Variants in CSMD1 observed in about 807,000 individuals in gnomAD.
CSMD1 encodes the protein CUB and Sushi multiple domains 1, also known as CUB and sushi domain-containing protein 1.
CSMD1 carries 213 observed loss-of-function variants against 417.5 expected under a neutral mutation model. The observed-to-expected ratio is 0.51, with a 90% CI of 0.46 to 0.57. The LOEUF (loss-of-function observed/expected upper bound fraction) is 0.57, where lower values mean the gene tolerates loss of function less well. CSMD1 is among the 20% of genes least tolerant of loss of function. The pLI, the probability that CSMD1 is intolerant of heterozygous loss-of-function variation, is 0.00. For missense variants in CSMD1, 6,923 were observed against 4,529.7 expected (o/e 1.53, Z -15.17); for synonymous variants, 2,862 against 1,736.8 (o/e 1.65, Z -16.11).
In CSMD1 at chr8:4,718,596, A is replaced by G. The variant is rs532015364; in HGVS notation, c.86-81038T>C. On this transcript the variant is annotated intron_variant, in intron 1 of 69. Coordinates refer to ENST00000635120, the MANE Select transcript of CSMD1 (RefSeq NM_033225.6). ...AAAACATGAAAAGGAGGAGATAAAC[A>G]TATAGTACGATTGAATTTTGATATT... is the stretch of plus-strand genomic sequence containing the variant. Among the ~76,000 whole-genome samples, 5 of 152,216 alleles carry G rather than the reference A, an allele frequency of 3.3e-5. No homozygotes were observed. The East Asian group carries it at 9.6e-4, about 29-fold the overall frequency.
intron 7 of CSMD1, among the ~76,000 whole-genome samples, chr8:3,706,097 A>G (rs1801151979): frequency 6.6e-6 from 1 of 152,228 alleles, no homozygotes. Flanking sequence ...GCCTGTGCCT[A>G]CCTCCCCTAC....
intron 5 of CSMD1, among the ~76,000 whole-genome samples, chr8:3,817,092 G>A (rs911394066): frequency 9.9e-5 from 15 of 151,942 alleles, no homozygotes; most frequent in South Asian, 2.1e-4. Context: ...TGAGGTCTCT[G>A]GGAAAGAGAA....
At chr8:3,720,639 A>T (rs1437509478) in intron 6 of CSMD1, among the ~76,000 whole-genome samples, 2 of 151,750 alleles carry the variant, frequency 1.3e-5, no homozygotes, top group African/African-American at 2.4e-5. Context: ...ACACACACAC[A>T]CACACACACA....
chr8:3,621,454 G>A (rs1009172788), intron 7 of CSMD1, among the ~76,000 whole-genome samples: 1 of 152,072 alleles, frequency 6.6e-6, no homozygotes, highest in African/African-American at 2.4e-5. Context: ...AAGAGAAGAA[G>A]GAATATAAGG....
In CSMD1 at chr8:4,029,215, G is replaced by A. The variant is rs542472597; in HGVS notation, c.610+2690C>T. Reference sequence around the variant, plus strand: ...CTACAACGAGAGGTGATGAAAATAGGCAGAAATCCATGAAGACTGAAAAAC... The same window carrying A: ...CTACAACGAGAGGTGATGAAAATAGACAGAAATCCATGAAGACTGAAAAAC... On this transcript the variant is annotated intron_variant, in intron 4 of 69. Transcript: ENST00000635120. Among the ~76,000 whole-genome samples the A allele has an allele frequency of 8.6e-4, 131 of 152,298 alleles. 1 individual carries two copies. The highest frequency in any genetic ancestry group is 3.1e-3 in the African/African-American group (129 of 41,568).
chr8:4,662,394 T>TTAG (rs1438465217), intron 1 of CSMD1, among the ~76,000 whole-genome samples: 2 of 152,148 alleles, frequency 1.3e-5, no homozygotes, highest in African/African-American at 4.8e-5. Flanking sequence ...GGAAAAGGCA[T>TTAG]TAGATTCTAC....
In CSMD1 at chr8:4,094,781, A is replaced by G. The variant is rs1585301998; in HGVS notation, c.416-62682T>C. Among the ~76,000 whole-genome samples, 4 of 152,294 alleles carry G rather than the reference A, an allele frequency of 2.6e-5. 1 individual carries two copies. Among genetic ancestry groups the G allele is most frequent in the Admixed American group, 2.6e-4 (4 of 15,298 alleles). ...GTGAGATGCTGAGCTAACACTGCGCATGGAGTACTGGATAAACAGGCCTGC... is the reference window on the plus strand; with the variant it reads ...GTGAGATGCTGAGCTAACACTGCGCGTGGAGTACTGGATAAACAGGCCTGC... On this transcript the variant is annotated intron_variant, in intron 3 of 69. Transcript: ENST00000635120.
rs188238540 is a variant in CSMD1, at chr8:4,479,429, A to G, written c.303-59364T>C. Among the ~76,000 whole-genome samples, 433 of 151,840 alleles carry G rather than the reference A, an allele frequency of 2.9e-3. 2 individuals carry two copies. The highest frequency in any genetic ancestry group is 0.01 in the African/African-American group (418 of 41,116). The stretch of plus-strand genomic sequence containing the variant: ...TTCAGTAATTAAGAAACCAGAAAAC[A>G]AAACAAAACAATATATTTGGTGCAA... On this transcript the variant is annotated intron_variant, in intron 2 of 69. Transcript: ENST00000635120.
intron 1 of CSMD1, among the ~76,000 whole-genome samples, chr8:4,902,285 A>AAAAT (rs1563718933): frequency 6.6e-6 from 1 of 151,446 alleles, no homozygotes; most frequent in East Asian, 2.0e-4. Flanking sequence ...TAAAAAAAAA[A>AAAAT]AAAAATCCTG....
At chr8:3,550,284 C>G (rs1489320717) in intron 10 of CSMD1, among the ~76,000 whole-genome samples, 1 of 152,130 alleles carries the variant, frequency 6.6e-6, no homozygotes, top group Non-Finnish European at 1.5e-5. Context: ...GCTGCCCTCT[C>G]CTGTTTTCTC....
intron 2 of CSMD1, among the ~76,000 whole-genome samples, chr8:4,507,842 T>G (rs1802607115): frequency 6.6e-6 from 1 of 152,256 alleles, no homozygotes; most frequent in South Asian, 2.1e-4. Flanking sequence ...TCTTTGGAGC[T>G]GAAGGAAAAA....
At chr8:3,184,085 A>G (rs1227562578) in intron 36 of CSMD1, among the ~76,000 whole-genome samples, 1 of 152,148 alleles carries the variant, frequency 6.6e-6, no homozygotes, top group African/African-American at 2.4e-5. Context: ...AAGACCCTGC[A>G]TGATCTGACT....
chr8:3,200,040 G>A (rs950021886), intron 32 of CSMD1, among the ~76,000 whole-genome samples: 7 of 151,948 alleles, frequency 4.6e-5, no homozygotes, highest in South Asian at 2.1e-4. Context: ...TCATTATTTC[G>A]CTTATGATTT....
chr8:4,166,506 T>A (rs991318782), intron 3 of CSMD1, among the ~76,000 whole-genome samples: 2 of 152,134 alleles, frequency 1.3e-5, no homozygotes, highest in African/African-American at 4.8e-5. Context: ...AACTCAGGAA[T>A]GGAAAAGCAA....
chr8:3,512,924 G>A (rs973102647), intron 10 of CSMD1, among the ~76,000 whole-genome samples: 8 of 152,004 alleles, frequency 5.3e-5, no homozygotes, highest in Non-Finnish European at 8.8e-5. Context: ...TAACACGTGG[G>A]CCCGTTGTAT....
chr8:4,986,077 A>G (rs1811165921), intron 1 of CSMD1, among the ~76,000 whole-genome samples: 2 of 152,196 alleles, frequency 1.3e-5, no homozygotes, highest in Non-Finnish European at 2.9e-5. Context: ...TTCCTACCAA[A>G]TAAAAGGGAT....
At chr8:3,026,814 A>T (rs1809964881) in intron 51 of CSMD1, among the ~76,000 whole-genome samples, 1 of 152,216 alleles carries the variant, frequency 6.6e-6, no homozygotes, top group Non-Finnish European at 1.5e-5. Flanking sequence ...TTTAAAAATA[A>T]AAATTTTATG....
At chr8:4,471,699 G>T (rs141772321) in intron 2 of CSMD1, among the ~76,000 whole-genome samples, 2 of 151,878 alleles carry the variant, frequency 1.3e-5, no homozygotes, top group Non-Finnish European at 2.9e-5. Flanking sequence ...GAGAGAACAC[G>T]ACCCATCTTC....
chr8:3,871,110 C>G (rs1372269585), intron 5 of CSMD1, among the ~76,000 whole-genome samples: 4 of 151,984 alleles, frequency 2.6e-5, no homozygotes, highest in Admixed American at 2.6e-4. Flanking sequence ...TAATAGACAT[C>G]TAGAATATTT....
Sources: gnomAD v4.1 joint callset for allele counts (sites outside exome capture counted in the v4.1 genomes callset) on GRCh38, gnomAD v4.1.1 for gene constraint, MANE v1.5 for transcripts, NCBI Gene and HGNC (gene_info 2026-07-23, HGNC 2026-07-21) for gene names.